USP43: variants seen among roughly 807,000 people sequenced by gnomAD.
USP43 encodes ubiquitin carboxyl-terminal hydrolase 43.
USP43 carries 33 observed loss-of-function variants against 90.7 expected under a neutral mutation model. The observed-to-expected ratio is 0.36, with a 90% CI of 0.28 to 0.49. USP43 has a LOEUF of 0.49. Ranked by LOEUF, USP43 falls within the 20% of genes least tolerant of loss-of-function variation. USP43 has a pLI of 0.98. For missense variants in USP43, 1,274 were observed against 1,476.4 expected, an observed-to-expected ratio of 0.86 and a Z score of 2.25; for synonymous variants, 598 against 615.8, an observed-to-expected ratio of 0.97 and a Z score of 0.43.
At chr17:9,719,334 A>G (rs1321764727) in intron 14 of USP43, among the ~76,000 whole-genome samples, 1 of 152,144 alleles carries the variant, frequency 6.6e-6, no homozygotes, top group Non-Finnish European at 1.5e-5. Context: ...AGTTTTTCAC[A>G]TGGTATTCAG....
intron 9 of USP43, among the ~76,000 whole-genome samples, chr17:9,698,442 T>TC (rs1393774911): frequency 6.6e-6 from 1 of 152,214 alleles, no homozygotes; most frequent in African/African-American, 2.4e-5. Flanking sequence ...GGGGTGTGTG[T>TC]CCCCAGACAC....
At position 9,682,839 on chromosome 17, in the gene USP43, G is replaced by T; in HGVS notation, c.1122G>T (p.Leu374=). 6.2e-7 allele frequency: 1 copy of T among 1,613,972 alleles called. No homozygotes were observed. The highest frequency in any genetic ancestry group is 8.5e-7 in the Non-Finnish European group (1 of 1,179,856). ...CCCTTCTAGCTCATCCACTGGGTCT[G>T]TCGGCCTCCCCACGCCTGGCAGCCC... ...QGTLSAHPLG[L]SASPRLAARE... is the part of the protein sequence containing the mutation. Residue 374 remains leucine (L), a synonymous_variant, in exon 7 of 15, where the codon CTG becomes CTT. Coordinates refer to ENST00000285199, the MANE Select transcript of USP43 (RefSeq NM_153210.5).
intron 3 of USP43, among the ~76,000 whole-genome samples, chr17:9,668,231 G>C (rs1913173906): frequency 6.6e-6 from 1 of 152,056 alleles, no homozygotes; most frequent in Non-Finnish European, 1.5e-5. Flanking sequence ...GTTTTTTGGA[G>C]GTCTCCAGGT....
chr17:9,697,651 A>G (rs1915353642), intron 9 of USP43, among the ~76,000 whole-genome samples: 1 of 150,464 alleles, frequency 6.6e-6, no homozygotes, highest in African/African-American at 2.5e-5. Flanking sequence ...ATGTTGCTGC[A>G]AAGAAACAGG....
At chr17:9,716,647 T>C (rs775687048) in intron 14 of USP43, among the ~76,000 whole-genome samples, 3 of 152,140 alleles carry the variant, frequency 2.0e-5, no homozygotes, top group Non-Finnish European at 2.9e-5. Flanking sequence ...TGGGCTGGAA[T>C]CTGTTGTGGA....
intron 2 of USP43, among the ~76,000 whole-genome samples, chr17:9,657,452 A>G (rs1912339003): frequency 6.6e-6 from 1 of 151,888 alleles, no homozygotes; most frequent in South Asian, 2.1e-4. Flanking sequence ...GTGAGCTGAG[A>G]ACGCACCGTT....
At chr17:9,689,441 C>A (rs1382156615) in intron 8 of USP43, among the ~76,000 whole-genome samples, 1 of 151,004 alleles carries the variant, frequency 6.6e-6, no homozygotes, top group Non-Finnish European at 1.5e-5. Context: ...AGATAGAGTC[C>A]CACTCTGTTG....
chr17:9,670,062 G>A (rs553409643), intron 3 of USP43, among the ~76,000 whole-genome samples: 3 of 139,408 alleles, frequency 2.2e-5, no homozygotes, highest in African/African-American at 5.8e-5. Flanking sequence ...TTTTTGAGAC[G>A]GAGTCTTATG....
intron 5 of USP43, 57 bp downstream of exon 5, chr17:9,676,938 A>G: frequency 3.8e-6 from 6 of 1,586,026 alleles, no homozygotes; most frequent in Non-Finnish European, 5.2e-6. Context: ...TAACTGAGCC[A>G]GCTGTCTAGG....
chr17:9,650,124 C>T, intron 1 of USP43, among the ~76,000 whole-genome samples: 1 of 152,068 alleles, frequency 6.6e-6, no homozygotes, highest in Non-Finnish European at 1.5e-5. Flanking sequence ...ATGGAGTTTC[C>T]ATTTTCCAGT....
chr17:9,689,412 AT>A (rs113416848), intron 8 of USP43, among the ~76,000 whole-genome samples: 41,813 of 146,642 alleles, frequency 0.29, 6,360 homozygotes, highest in East Asian at 0.63. Context: ...ATCAATGCCA[AT>A]TTTTTTTTTT....
At chr17:9,704,875 G>A (rs961584357) in intron 12 of USP43, among the ~76,000 whole-genome samples, 8 of 151,682 alleles carry the variant, frequency 5.3e-5, no homozygotes, top group East Asian at 1.9e-4. Context: ...TCTATCTCAC[G>A]TCTTTTGACA....
intron 12 of USP43, among the ~76,000 whole-genome samples, chr17:9,704,346 A>G: frequency 6.6e-6 from 1 of 152,086 alleles, no homozygotes; most frequent in East Asian, 1.9e-4. Flanking sequence ...TCTGTCACCC[A>G]GGCTAGAGTG....
At chr17:9,726,206 C>T (rs567805175) in intron 14 of USP43, among the ~76,000 whole-genome samples, 43 of 152,298 alleles carry the variant, frequency 2.8e-4, no homozygotes, top group Non-Finnish European at 3.8e-4. Context: ...TTGCCTCCCC[C>T]GCGTTCCTGC....
chr17:9,690,586 T>C (rs1914879644), intron 8 of USP43, among the ~76,000 whole-genome samples: 2 of 152,090 alleles, frequency 1.3e-5, no homozygotes, highest in South Asian at 4.1e-4. Context: ...CTTATACCTA[T>C]TAAAAAACTA....
intron 6 of USP43, among the ~76,000 whole-genome samples, chr17:9,682,519 A>C (rs1283494949): frequency 6.6e-6 from 1 of 152,238 alleles, no homozygotes; most frequent in Non-Finnish European, 1.5e-5. Flanking sequence ...GCAGTGAGCC[A>C]AGATTGTGCC....
At chr17:9,681,463 TA>T (rs1450449751) in intron 6 of USP43, among the ~76,000 whole-genome samples, 11,426 of 19,438 alleles carry the variant, frequency 0.59, 2,385 homozygotes, top group African/African-American at 0.64. Flanking sequence ...TAAAATATAT[TA>T]TATATATATA....
At position 9,664,525 on chromosome 17, in the gene USP43, C is replaced by A. The variant is rs549698724; in HGVS notation, c.637-2123C>A. On this transcript the variant is annotated intron_variant, in intron 2 of 14. Coordinates refer to ENST00000285199, the MANE Select transcript of USP43 (RefSeq NM_153210.5). ...CGATGTATCTATGGTATTCAAGTTT[C>A]ATGGTGGAAATGTTAGGAAAAATTG... Among the ~76,000 whole-genome samples, 8 of 152,106 alleles carry A rather than the reference C, an allele frequency of 5.3e-5. No individual in the cohort carries two copies. In the East Asian group the frequency reaches 1.5e-3, roughly 29 times the overall value.
intron 2 of USP43, among the ~76,000 whole-genome samples, chr17:9,662,612 C>A (rs768412438): frequency 6.6e-6 from 1 of 152,068 alleles, no homozygotes; most frequent in South Asian, 2.1e-4. Context: ...TTTCCTGAAC[C>A]CTTGAGCCTC....
Sources: gnomAD v4.1 joint callset for allele counts (sites outside exome capture counted in the v4.1 genomes callset) on GRCh38, gnomAD v4.1.1 for gene constraint, MANE v1.5 for transcripts, NCBI Gene and HGNC (gene_info 2026-07-23, HGNC 2026-07-21) for gene names.